Variants in CCDC62 observed in about 807,000 individuals in gnomAD.
CCDC62 encodes coiled-coil domain-containing protein 62.
CCDC62 carries 72 observed loss-of-function variants against 80.8 expected under a neutral mutation model. The observed-to-expected ratio is 0.89, with a 90% CI of 0.74 to 1.08. The LOEUF (loss-of-function observed/expected upper bound fraction) is 1.08, where lower values mean the gene tolerates loss of function less well. Among genes scored for constraint, CCDC62 ranks in the 50% least tolerant of loss-of-function variants. The probability of loss-of-function intolerance (pLI) is 0.00; values close to 1 mark genes in which losing one functional copy is unlikely to be tolerated. For synonymous variants in CCDC62, 286 were observed against 296.5 expected, an observed-to-expected ratio of 0.96 and a Z score of 0.36; for missense variants, 704 against 809.4, an observed-to-expected ratio of 0.87 and a Z score of 1.58.
chr12:122,824,709 CAT>C (rs879893483), intron 12 of CCDC62, among the ~76,000 whole-genome samples: 12 of 152,196 alleles, frequency 7.9e-5, no homozygotes, highest in African/African-American at 1.2e-4. Context: ...CTTGTACACA[CAT>C]GTTTATAGCA....
rs1593793312 is a variant in CCDC62 at position 122,790,986 on chromosome 12, A to G, written c.671-1034A>G. On this transcript the variant is annotated intron_variant, in intron 5 of 12. Coordinates refer to ENST00000253079, the MANE Select transcript of CCDC62 (RefSeq NM_201435.5). ...CTTATACCACAGACATACTCAAGGAACAGAAGGAAAGGAGGGAACGGCGGT... is the reference window on the plus strand; with the variant it reads ...CTTATACCACAGACATACTCAAGGAGCAGAAGGAAAGGAGGGAACGGCGGT... 2.0e-5 allele frequency among the ~76,000 whole-genome samples: 3 copies of G among 152,264 alleles called. No homozygotes were observed. In the South Asian group the frequency reaches 6.2e-4, roughly 32 times the overall value.
At chr12:122,779,564 C>T (rs1879694874) in intron 2 of CCDC62, among the ~76,000 whole-genome samples, 1 of 152,172 alleles carries the variant, frequency 6.6e-6, no homozygotes, top group African/African-American at 2.4e-5. Flanking sequence ...CCAGGGACCA[C>T]ATTTTGAGAA....
chr12:122,825,832 C>A lies in CCDC62; in HGVS notation c.*41-590C>A, dbSNP rs1323635268. Among the ~76,000 whole-genome samples the A allele has an allele frequency of 3.9e-4, 56 of 142,800 alleles. 1 individual carries two copies. The highest frequency in any genetic ancestry group is 3.9e-3 in the Admixed American group (55 of 14,222). 93.7% of individuals were successfully genotyped at this position (142,800 alleles called of 152,430 possible). Reference sequence around the variant, plus strand: ...GAAACCCCGTCTCTACTAAAAATACCAAAAAAAAAAATTAGCCGGGCATGG... The same window carrying A: ...GAAACCCCGTCTCTACTAAAAATACAAAAAAAAAAAATTAGCCGGGCATGG... On this transcript the variant is annotated intron_variant, in intron 12 of 12. Transcript: ENST00000253079.
At chr12:122,805,509 CTT>C (rs34211739) in intron 9 of CCDC62, among the ~76,000 whole-genome samples, 19 of 49,516 alleles carry the variant, frequency 3.8e-4, no homozygotes, top group African/African-American at 1.5e-3. Context: ...ACACCCAGCT[CTT>C]TTTTTTTTTT....
chr12:122,800,998 G>A, intron 8 of CCDC62, 126 bp from the exon 9 acceptor site: 3 of 969,096 alleles, frequency 3.1e-6, no homozygotes, highest in Non-Finnish European at 4.6e-6. Flanking sequence ...GGCTGGAATT[G>A]GGCTCTGAGG....
chr12:122,822,655 G>GC, intron 11 of CCDC62, among the ~76,000 whole-genome samples: 1 of 123,142 alleles, frequency 8.1e-6, no homozygotes, highest in African/African-American at 3.6e-5. Context: ...CTCACTGTAA[G>GC]CTCCGCCTCC....
rs1186624132 is a variant in CCDC62 at position 122,825,332 on chromosome 12, C to T, written c.*41-1090C>T. ...CTGGGATTACAGGTGCGCATCACCA[C>T]ACCTGGCTAATTTTTTTTTTTTTTT... is the stretch of plus-strand genomic sequence containing the variant. On this transcript the variant is annotated intron_variant, in intron 12 of 12. Coordinates refer to ENST00000253079, the MANE Select transcript of CCDC62 (RefSeq NM_201435.5). 2.5e-4 allele frequency among the ~76,000 whole-genome samples: 33 copies of T among 132,196 alleles called. No homozygotes were observed. The East Asian group carries it at 5.1e-3, about 21-fold the overall frequency. The allele number at this position is 132,196 out of a possible 152,430, so 86.7% of individuals were successfully genotyped here.
At chr12:122,797,219 T>C in intron 6 of CCDC62, 88 bp from the exon 7 acceptor site, 1 of 698,836 alleles carries the variant, frequency 1.4e-6, no homozygotes, top group South Asian at 1.5e-5. Flanking sequence ...ACAACAAAAA[T>C]GTTAGCTGAG....
rs1305954628 is a variant in CCDC62 at position 122,793,974 on chromosome 12, A to G, written c.772+1853A>G. Among the ~76,000 whole-genome samples, 6 of 152,200 alleles carry G rather than the reference A, an allele frequency of 3.9e-5. No homozygotes were observed. In the East Asian group the frequency reaches 1.2e-3, roughly 29 times the overall value. Reference sequence around the variant, plus strand: ...GTCCTTGGACCAGCATTTGTACGCCAGGTGCCCTGCGATATGCTCAGAAGC... The same window carrying G: ...GTCCTTGGACCAGCATTTGTACGCCGGGTGCCCTGCGATATGCTCAGAAGC... On this transcript the variant is annotated intron_variant, in intron 6 of 12. Coordinates refer to ENST00000253079, the MANE Select transcript of CCDC62 (RefSeq NM_201435.5).
intron 1 of CCDC62, chr12:122,777,033 T>C (rs1879501565): frequency 6.4e-6 from 1 of 155,122 alleles, no homozygotes; most frequent in Admixed American, 6.4e-5. Flanking sequence ...TGACCTCAGG[T>C]GATCGGCCCA....
At chr12:122,822,963 T>C (rs1013397300) in intron 11 of CCDC62, among the ~76,000 whole-genome samples, 3 of 151,918 alleles carry the variant, frequency 2.0e-5, no homozygotes, top group African/African-American at 7.3e-5. Flanking sequence ...CGTCTTTTTT[T>C]CTTTTTTCTT....
chr12:122,822,422 A>G, intron 11 of CCDC62, among the ~76,000 whole-genome samples: 1 of 151,810 alleles, frequency 6.6e-6, no homozygotes, highest in African/African-American at 2.4e-5. Flanking sequence ...ATTATTAACC[A>G]TAGTCATGGT....
At chr12:122,783,050 T>A (rs1219253763) in intron 3 of CCDC62, among the ~76,000 whole-genome samples, 1 of 150,240 alleles carries the variant, frequency 6.7e-6, no homozygotes, top group African/African-American at 2.4e-5. Flanking sequence ...GAGGTTGCAG[T>A]GAGCCGAGAT....
Position 122,792,088 on chromosome 12 carries a change from A to G in CCDC62, c.739A>G (p.Lys247Glu), listed in dbSNP as rs771186923. 1.9e-6 allele frequency: 3 copies of G among 1,613,748 alleles called. No individual in the cohort carries two copies. In the South Asian group the frequency reaches 3.3e-5, roughly 18 times the overall value. The change falls in exon 6 of 13, where the codon AAA becomes GAA. Residue 247 changes from lysine (K) to glutamate (E), a missense_variant. By Grantham distance (56) the Lys-to-Glu change is moderately conservative. Transcript: ENST00000253079. ...REEIIRLKQE[K>E]SCLHDELLFT... Reference sequence around the variant, plus strand: ...AGAGATCATTCGCCTCAAGCAAGAGAAAAGTTGCCTGCACGATGAATTGCT... The same window carrying G: ...AGAGATCATTCGCCTCAAGCAAGAGGAAAGTTGCCTGCACGATGAATTGCT...
At chr12:122,792,515 TTTTTTA>T (rs1677467721) in intron 6 of CCDC62, among the ~76,000 whole-genome samples, 2 of 151,368 alleles carry the variant, frequency 1.3e-5, no homozygotes, top group African/African-American at 2.4e-5. Flanking sequence ...TGAGCCCGGC[TTTTTTA>T]TTTTTATTTT....
rs2031070259 is a variant in CCDC62 at position 122,798,093 on chromosome 12, A to G, written c.870A>G (p.Val290=). ...GTCAATATCTATGACAGATTTATGT[A>G]AAACAACAGAGTGATCTGCAGTTTC... ...SELHNLRQIY[V]KQQSDLQFLN... is the part of the protein sequence containing the mutation. Residue 290 remains valine, a synonymous_variant, in exon 8 of 13, where the codon GTA becomes GTG. Transcript: ENST00000253079. 6.8e-7 allele frequency: 1 copy of G among 1,470,188 alleles called. No homozygotes were observed. The highest frequency in any genetic ancestry group is 9.5e-7 in the Non-Finnish European group (1 of 1,050,898). 91.1% of individuals were successfully genotyped at this position (1,470,188 alleles called of 1,614,324 possible). A position where few individuals can be genotyped will look rare whatever the true frequency, so the allele number is the denominator to read the frequency against.
chr12:122,801,676 G>T lies in CCDC62; in HGVS notation c.1530G>T (p.Met510Ile). 6.2e-7 allele frequency: 1 copy of T among 1,614,220 alleles called. No individual in the cohort carries two copies. The highest frequency in any genetic ancestry group is 8.5e-7 in the Non-Finnish European group (1 of 1,180,048). ...KNEACLGESG[M>I]CDSKCCHPSN... ...AAGCCTGTCTGGGCGAAAGTGGCAT[G>T]TGTGACTCCAAGTGCTGCCACCCGA... The change falls in exon 9 of 13, where the codon ATG becomes ATT. Residue 510 changes from methionine (M) to isoleucine (I), a missense_variant. Met to Ile is a conservative substitution (Grantham distance 10). Transcript: ENST00000253079.
At chr12:122,809,000 A>G (rs1008159035) in intron 10 of CCDC62, among the ~76,000 whole-genome samples, 7 of 152,178 alleles carry the variant, frequency 4.6e-5, no homozygotes, top group African/African-American at 1.4e-4. Flanking sequence ...TCATTCCCCT[A>G]ATGACTAACA....
At chr12:122,800,312 G>A (rs868080109) in intron 8 of CCDC62, among the ~76,000 whole-genome samples, 32 of 151,754 alleles carry the variant, frequency 2.1e-4, no homozygotes, top group Middle Eastern at 3.4e-3. Context: ...TGGACGCCAT[G>A]GCTCACACCT....
Sources: gnomAD v4.1 joint callset for allele counts (sites outside exome capture counted in the v4.1 genomes callset) on GRCh38, gnomAD v4.1.1 for gene constraint, MANE v1.5 for transcripts, NCBI Gene and HGNC (gene_info 2026-07-23, HGNC 2026-07-21) for gene names.